The following ZCCHC4 variants were observed in gnomAD, a reference collection of about 807,000 sequenced individuals.
The protein encoded by ZCCHC4 is rRNA N(6)-adenosine-methyltransferase ZCCHC4.
In ZCCHC4, 54 loss-of-function variants were observed where a neutral mutation model predicts 67.7. The ratio of observed to expected loss-of-function variants is 0.80; its 90% CI spans 0.64 to 1.00. The LOEUF (loss-of-function observed/expected upper bound fraction) is 1.00. ZCCHC4 is among the 50% of genes least tolerant of loss of function. ZCCHC4 has a pLI of 0.00. For synonymous variants in ZCCHC4, 198 were observed against 213.5 expected, an observed-to-expected ratio of 0.93 and a Z score of 0.63; for missense variants, 609 against 617.0, an observed-to-expected ratio of 0.99 and a Z score of 0.14.
rs1720887296 is a variant in ZCCHC4 at position 25,365,037 on chromosome 4, G to A, written c.1277G>A (p.Ser426Asn). ...KCVKPSWIHCSICNHCAVPDH... is the reference protein window; with the variant it reads ...KCVKPSWIHCNICNHCAVPDH... The stretch of plus-strand genomic sequence containing the variant: ...TATTTTACAGCCTGGATCCACTGTA[G>A]CATCTGCAATCACTGTGCTGTTCCA... The change falls in exon 12 of 13, where the codon AGC (serine) becomes AAC (asparagine). Residue 426 changes from serine to asparagine, a missense_variant. Coordinates refer to ENST00000302874, the MANE Select transcript of ZCCHC4 (RefSeq NM_024936.3). The A allele has an allele frequency of 6.2e-7, 1 of 1,614,022 alleles. No homozygotes were observed. Among genetic ancestry groups the A allele is most frequent in the Non-Finnish European group, 8.5e-7 (1 of 1,179,958 alleles).
intron 8 of ZCCHC4, chr4:25,352,088 T>C (rs1720327402): frequency 1.0e-6 from 1 of 989,446 alleles, no homozygotes; most frequent in Admixed American, 6.0e-5. Context: ...TATAGAAAAG[T>C]AAATCACCTT....
At chr4:25,322,299 C>T (rs935295466) in intron 3 of ZCCHC4, among the ~76,000 whole-genome samples, 1 of 152,072 alleles carries the variant, frequency 6.6e-6, no homozygotes, top group Non-Finnish European at 1.5e-5. Context: ...TTCATCACCT[C>T]AAAAGGAAAC....
chr4:25,334,060 GT>G lies in ZCCHC4; in HGVS notation c.686+75del, dbSNP rs530108048. ...TTTTAATGTTTTTCTGTTTTTAATTGTTTATACTCTGTTACAACTCTTTAGT... is the reference window on the plus strand; with the variant it reads ...TTTTAATGTTTTTCTGTTTTTAATTGTTATACTCTGTTACAACTCTTTAGT... On this transcript the variant is annotated intron_variant, in intron 5 of 12. Transcript: ENST00000302874. 1.6e-4 allele frequency: 169 copies of G among 1,030,328 alleles called. 1 individual carries two copies. Among genetic ancestry groups the G allele is most frequent in the Non-Finnish European group, 2.2e-4 (163 of 724,806 alleles). 63.8% of individuals were successfully genotyped at this position (1,030,328 alleles called of 1,614,324 possible). A position where few individuals can be genotyped will look rare whatever the true frequency, so the allele number is the denominator to read the frequency against.
chr4:25,328,481 C>G (rs1343450421), intron 3 of ZCCHC4, among the ~76,000 whole-genome samples: 1 of 152,220 alleles, frequency 6.6e-6, no homozygotes, highest in East Asian at 1.9e-4. Flanking sequence ...CTCAAGTGAT[C>G]TGCCCACCTC....
At chr4:25,329,992 T>C (rs537607920) in intron 3 of ZCCHC4, among the ~76,000 whole-genome samples, 2 of 152,222 alleles carry the variant, frequency 1.3e-5, no homozygotes, top group South Asian at 4.1e-4. Flanking sequence ...TTTTGATTTT[T>C]TAATTTTTTA....
chr4:25,352,671 C>T (rs1183574922), intron 8 of ZCCHC4: 1 of 152,488 alleles, frequency 6.6e-6, no homozygotes, highest in Non-Finnish European at 1.5e-5. Flanking sequence ...CTGCCTCAGC[C>T]TCTCAAAGTG....
intron 3 of ZCCHC4, among the ~76,000 whole-genome samples, chr4:25,316,895 A>G (rs931305820): frequency 2.0e-5 from 3 of 151,350 alleles, no homozygotes; most frequent in Admixed American, 2.0e-4. Flanking sequence ...ATCCATTGTT[A>G]TGAAGATTTG....
Position 25,333,458 on chromosome 4 carries a change from G to C in ZCCHC4, c.605G>C (p.Arg202Thr), listed in dbSNP as rs1388724644. The C allele has an allele frequency of 6.2e-7, 1 of 1,612,880 alleles. No homozygotes were observed. The highest frequency in any genetic ancestry group is 1.3e-5 in the African/African-American group (1 of 74,836). The change falls in exon 4 of 13, where the codon AGG becomes ACG. Residue 202 changes from arginine to threonine, a missense_variant and splice_region_variant. Transcript: ENST00000302874. ...FRRVLCVGTPRLHELIKLTAS... is the reference protein window; with the variant it reads ...FRRVLCVGTPTLHELIKLTAS... ...AGAGTACTGTGTGTTGGAACACCAA[G>C]GTATGTCATGTGATTTTTTAAAGAA... is the stretch of plus-strand genomic sequence containing the variant.
chr4:25,363,707 T>G (rs1720842020), intron 10 of ZCCHC4, among the ~76,000 whole-genome samples: 1 of 152,246 alleles, frequency 6.6e-6, no homozygotes, highest in Non-Finnish European at 1.5e-5. Flanking sequence ...TGAGACATGA[T>G]GTGTATTCTT....
intron 3 of ZCCHC4, 55 bp downstream of exon 3, chr4:25,315,455 T>C (rs559773765): frequency 1.1e-5 from 16 of 1,397,218 alleles, no homozygotes; most frequent in Middle Eastern, 1.8e-4. Flanking sequence ...TTTTTTGTTA[T>C]TGCCTTTTTC....
At chr4:25,318,562 C>T (rs1475910855) in intron 3 of ZCCHC4, among the ~76,000 whole-genome samples, 3 of 151,332 alleles carry the variant, frequency 2.0e-5, no homozygotes, top group African/African-American at 7.3e-5. Flanking sequence ...ACCATGTTGG[C>T]CAGGCTGGTG....
At chr4:25,326,172 T>C (rs934912377) in intron 3 of ZCCHC4, among the ~76,000 whole-genome samples, 28 of 152,262 alleles carry the variant, frequency 1.8e-4, no homozygotes, top group African/African-American at 6.8e-4. Context: ...AATTTGTTTC[T>C]TGCTTTTTCC....
At chr4:25,323,254 CAACT>C (rs1370920101) in intron 3 of ZCCHC4, among the ~76,000 whole-genome samples, 1 of 152,096 alleles carries the variant, frequency 6.6e-6, no homozygotes, top group Non-Finnish European at 1.5e-5. Flanking sequence ...TTTGTTTCAC[CAACT>C]GTTAGCTTAC....
intron 3 of ZCCHC4, among the ~76,000 whole-genome samples, chr4:25,318,177 A>G (rs564742872): frequency 6.6e-6 from 1 of 152,156 alleles, no homozygotes; most frequent in South Asian, 2.1e-4. Flanking sequence ...TAATGTATAC[A>G]TAGTTTTGTA....
chr4:25,326,057 A>G (rs771208046), intron 3 of ZCCHC4, among the ~76,000 whole-genome samples: 9 of 152,220 alleles, frequency 5.9e-5, no homozygotes, highest in Non-Finnish European at 1.3e-4. Context: ...ACAACGACAT[A>G]GATTTATTCT....
intron 8 of ZCCHC4, among the ~76,000 whole-genome samples, chr4:25,354,524 G>A (rs926001784): frequency 1.3e-5 from 2 of 152,134 alleles, no homozygotes; most frequent in African/African-American, 2.4e-5. Context: ...AAACTGTGCC[G>A]TATCTCCTCA....
At chr4:25,331,547 T>G (rs1719182057) in intron 3 of ZCCHC4, among the ~76,000 whole-genome samples, 1 of 152,224 alleles carries the variant, frequency 6.6e-6, no homozygotes. Flanking sequence ...CCTCAAGTGA[T>G]CCTCCTGTCG....
chr4:25,327,226 G>T (rs754395228), intron 3 of ZCCHC4, among the ~76,000 whole-genome samples: 1 of 152,080 alleles, frequency 6.6e-6, no homozygotes, highest in Non-Finnish European at 1.5e-5. Flanking sequence ...AGTCAATGTC[G>T]AGTAGAAGGC....
chr4:25,365,263 A>G lies in ZCCHC4; in HGVS notation c.1406+97A>G, dbSNP rs1720897597. The stretch of plus-strand genomic sequence containing the variant: ...AACATTCAGAGGATCTTGAAGTGCC[A>G]AGTTAATTGTCACTTTCACTATTAA... On this transcript the variant is annotated intron_variant, in intron 12 of 12. Coordinates refer to ENST00000302874, the MANE Select transcript of ZCCHC4 (RefSeq NM_024936.3). 2.0e-6 allele frequency: 3 copies of G among 1,537,668 alleles called. No homozygotes were observed. The African/African-American group carries it at 4.1e-5, about 21-fold the overall frequency.
Sources: gnomAD v4.1 joint callset for allele counts (sites outside exome capture counted in the v4.1 genomes callset) on GRCh38, gnomAD v4.1.1 for gene constraint, MANE v1.5 for transcripts, NCBI Gene and HGNC (gene_info 2026-07-23, HGNC 2026-07-21) for gene names.